The following NR3C1 variants were observed in gnomAD, a reference collection of about 807,000 sequenced individuals.
The protein encoded by NR3C1 is glucocorticoid receptor.
Under a neutral mutation model 74.0 loss-of-function variants are expected in NR3C1, and 14 were observed. That is an observed-to-expected ratio of 0.19 (90% confidence interval 0.12 to 0.30). The LOEUF is 0.30. Among genes scored for constraint, NR3C1 ranks in the 10% least tolerant of loss-of-function variants. The pLI, the probability that NR3C1 is intolerant of heterozygous loss-of-function variation, is 1.00. For missense variants in NR3C1, 695 were observed against 909.8 expected (o/e 0.76, Z 3.04); for synonymous variants, 308 against 332.5 (o/e 0.93, Z 0.80).
intron 7 of NR3C1, among the ~76,000 whole-genome samples, chr5:143,287,693 T>C (rs1383425115): frequency 1.3e-5 from 2 of 152,022 alleles, no homozygotes; most frequent in Non-Finnish European, 2.9e-5. Context: ...GAAAAAGATA[T>C]CACAAGAAAA....
intron 1 of NR3C1, chr5:143,434,481 G>T (rs755795245): frequency 2.1e-6 from 2 of 944,738 alleles, no homozygotes; most frequent in Non-Finnish European, 2.5e-6. Context: ...AAGTAACTTT[G>T]TTAGAACTCA....
In NR3C1 at chr5:143,399,690, G is replaced by A. The variant is rs1257788621; in HGVS notation, c.1150C>T (p.Pro384Ser). The change falls in exon 2 of 9, where the codon CCT becomes TCT. Residue 384 changes from proline (P) to serine (S), a missense_variant. This residue lies in a region of NR3C1 where 497 missense variants were observed against 489.5 expected (regional missense o/e 1.02). Coordinates refer to ENST00000394464, the MANE Select transcript of NR3C1 (RefSeq NM_000176.3). ...NLTSLGTLNFPGRTVFSNGYS... is the reference protein window; with the variant it reads ...NLTSLGTLNFSGRTVFSNGYS... The stretch of plus-strand genomic sequence containing the variant: ...CCATTAGAAAAAACTGTTCGACCAG[G>A]GAAGTTCAGAGTCCCCAGAGAAGTC... 1 of 1,614,080 alleles carries A rather than the reference G, an allele frequency of 6.2e-7. No homozygotes were observed.
intron 1 of NR3C1, among the ~76,000 whole-genome samples, chr5:143,429,707 T>C (rs12655166): frequency 0.2 from 29,737 of 152,144 alleles, 3,678 homozygotes; most frequent in Admixed American, 0.26. Flanking sequence ...ACAATAAAAG[T>C]TGGAAATGAC....
At chr5:143,402,689 C>A (rs1191442336) in intron 1 of NR3C1, 9 of 985,434 alleles carry the variant, frequency 9.1e-6, no homozygotes, top group East Asian at 1.1e-4. Flanking sequence ...GTCAGCCCCC[C>A]GCGTGTGCAC....
intron 2 of NR3C1, among the ~76,000 whole-genome samples, chr5:143,392,254 C>A (rs751719914): frequency 6.6e-6 from 1 of 152,142 alleles, no homozygotes; most frequent in East Asian, 1.9e-4. Flanking sequence ...CGTGAGCCAC[C>A]GCGCCTGGCC....
At chr5:143,296,168 C>T (rs901848093) in intron 6 of NR3C1, among the ~76,000 whole-genome samples, 18 of 152,136 alleles carry the variant, frequency 1.2e-4, no homozygotes, top group African/African-American at 4.1e-4. Context: ...ATTCTGAAGT[C>T]ATTACATACC....
At chr5:143,433,031 G>A (rs1751912384) in intron 1 of NR3C1, among the ~76,000 whole-genome samples, 1 of 152,162 alleles carries the variant, frequency 6.6e-6, no homozygotes, top group Admixed American at 6.5e-5. Context: ...CATTTTAAAG[G>A]AGGATGTTTG....
chr5:143,355,828 G>A (rs1831042039), intron 2 of NR3C1, among the ~76,000 whole-genome samples: 1 of 152,132 alleles, frequency 6.6e-6, no homozygotes, highest in Non-Finnish European at 1.5e-5. Flanking sequence ...GTACAGTTGT[G>A]CCTTTAATGT....
Position 143,315,160 on chromosome 5 carries a change from GAT to G in NR3C1, c.1185-994_1185-993del, listed in dbSNP as rs200786828. Among the ~76,000 whole-genome samples, 116 of 152,272 alleles carry G rather than the reference GAT, an allele frequency of 7.6e-4. 1 individual carries two copies. The East Asian group carries it at 0.021, about 28-fold the overall frequency. Reference sequence around the variant, plus strand: ...ACATTTTGCCACATTTAATGATAAAGATATATTTTTATAAACCAATGAAACAG... The same window carrying G: ...ACATTTTGCCACATTTAATGATAAAGATATTTTTATAAACCAATGAAACAG... On this transcript the variant is annotated intron_variant, in intron 2 of 8. Coordinates refer to ENST00000394464, the MANE Select transcript of NR3C1 (RefSeq NM_000176.3).
chr5:143,320,392 T>A (rs1823104016), intron 2 of NR3C1, among the ~76,000 whole-genome samples: 1 of 152,152 alleles, frequency 6.6e-6, no homozygotes. Context: ...TCTGCATCAT[T>A]TATATTCACT....
chr5:143,303,620 A>AAAC lies in NR3C1; in HGVS notation c.1469-2860_1469-2858dup, dbSNP rs560815157. On this transcript the variant is annotated intron_variant, in intron 4 of 8. Coordinates refer to ENST00000394464, the MANE Select transcript of NR3C1 (RefSeq NM_000176.3). ...ATTCTAATACCAAAACCTGGTAGAGAAACAACAACAACAACAAAACTACAG... is the reference window on the plus strand; with the variant it reads ...ATTCTAATACCAAAACCTGGTAGAGAAACAACAACAACAACAACAAAACTACAG... Among the ~76,000 whole-genome samples, 411 of 152,088 alleles carry AAAC rather than the reference A, an allele frequency of 2.7e-3. 1 individual carries two copies. The highest frequency in any genetic ancestry group is 5.0e-3 in the Non-Finnish European group (338 of 67,922).
chr5:143,286,502 C>T (rs904665434), intron 7 of NR3C1, among the ~76,000 whole-genome samples: 11 of 151,942 alleles, frequency 7.2e-5, no homozygotes, highest in Non-Finnish European at 1.2e-4. Context: ...TGACTAAAAA[C>T]GAAAAATATA....
intron 2 of NR3C1, among the ~76,000 whole-genome samples, chr5:143,394,538 G>A (rs770780943): frequency 2.0e-5 from 3 of 151,886 alleles, no homozygotes; most frequent in African/African-American, 2.4e-5. Context: ...ACATTAGGTC[G>A]ACTACATTCA....
chr5:143,409,276 C>T (rs1408426795), intron 1 of NR3C1: 1 of 152,196 alleles, frequency 6.6e-6, no homozygotes, highest in Non-Finnish European at 1.5e-5. Flanking sequence ...ACATTCATTC[C>T]CATGTCTCCT....
chr5:143,405,066 C>T (rs1561804466), upstream of NR3C1: 1 of 954,356 alleles, frequency 1.0e-6, no homozygotes, highest in Non-Finnish European at 1.2e-6. Flanking sequence ...GAGGGGTGCC[C>T]GTGCGGGAAG....
At chr5:143,351,326 C>T (rs564269859) in intron 2 of NR3C1, among the ~76,000 whole-genome samples, 12 of 152,258 alleles carry the variant, frequency 7.9e-5, no homozygotes, top group Admixed American at 6.5e-4. Flanking sequence ...TGTTCAAAGC[C>T]TTCCATTATT....
intron 7 of NR3C1, among the ~76,000 whole-genome samples, chr5:143,291,371 G>A (rs989918806): frequency 1.7e-4 from 26 of 151,770 alleles, no homozygotes; most frequent in Non-Finnish European, 2.4e-4. Context: ...GACTACAGGC[G>A]CGCACCACCA....
chr5:143,301,442 T>C (rs1194200148), intron 4 of NR3C1, among the ~76,000 whole-genome samples: 1 of 152,146 alleles, frequency 6.6e-6, no homozygotes, highest in Non-Finnish European at 1.5e-5. Flanking sequence ...ACATAAATTA[T>C]AAGTGGGAAA....
intron 1 of NR3C1, among the ~76,000 whole-genome samples, chr5:143,422,369 C>T (rs13184611): frequency 0.18 from 27,636 of 152,130 alleles, 2,723 homozygotes; most frequent in Middle Eastern, 0.34. Context: ...GCTACGGGTT[C>T]GTTGTATGAC....
Sources: gnomAD v4.1 joint callset for allele counts (sites outside exome capture counted in the v4.1 genomes callset) on GRCh38, gnomAD v4.1.1 for gene constraint, gnomAD v4.1.1 regional missense constraint, MANE v1.5 for transcripts, NCBI Gene and HGNC (gene_info 2026-07-23, HGNC 2026-07-21) for gene names.